Variants in CHD1 observed in about 807,000 individuals in gnomAD.
CHD1 encodes the protein ATP-dependent chromatin remodeler CHD1.
CHD1 carries 36 observed loss-of-function variants against 224.2 expected under a neutral mutation model. The ratio of observed to expected loss-of-function variants is 0.16; its 90% CI spans 0.12 to 0.21. CHD1 has a LOEUF of 0.21. Among genes scored for constraint, CHD1 ranks in the 10% least tolerant of loss-of-function variants. The probability of loss-of-function intolerance (pLI) is 1.00; values close to 1 mark genes in which losing one functional copy is unlikely to be tolerated. For synonymous variants in CHD1, 668 were observed against 658.3 expected (o/e 1.01, Z -0.23); for missense variants, 1,378 against 1,994.8 (o/e 0.69, Z 5.89).
Position 98,858,211 on chromosome 5 carries a change from G to A in CHD1, c.4756C>T (p.Arg1586Cys), listed in dbSNP as rs1263327520. The A allele has an allele frequency of 6.2e-7, 1 of 1,613,042 alleles. No individual in the cohort carries two copies. Among genetic ancestry groups the A allele is most frequent in the Non-Finnish European group, 8.5e-7 (1 of 1,179,252 alleles). Residue 1586 changes from arginine (R) to cysteine (C), a missense_variant, in exon 35 of 36, where the codon CGT becomes TGT. By Grantham distance (180) the Arg-to-Cys change is radical. Coordinates refer to ENST00000614616, the MANE Select transcript of CHD1 (RefSeq NM_001270.4). The part of the protein sequence containing the change: ...YSSFSNGKDH[R>C]DWDHYKQDSR... ...TCTTGCTTGTAGTGATCCCAATCACGATGGTCTTTACCATTACTAAAAGAA... is the reference window on the plus strand; with the variant it reads ...TCTTGCTTGTAGTGATCCCAATCACAATGGTCTTTACCATTACTAAAAGAA...
intron 28 of CHD1, among the ~76,000 whole-genome samples, chr5:98,871,797 C>T (rs536075979): frequency 6.6e-6 from 1 of 152,030 alleles, no homozygotes; most frequent in Non-Finnish European, 1.5e-5. Context: ...TGGAATAAGA[C>T]TTTTAACCTC....
At chr5:98,893,362 T>G (rs966247594) in intron 14 of CHD1, 54 bp downstream of exon 14, 1 of 1,221,412 alleles carries the variant, frequency 8.2e-7, no homozygotes, top group African/African-American at 1.6e-5. Context: ...CTGGGTTTAT[T>G]CCCACTAAAC....
chr5:98,856,970 A>G (rs1227599365), intron 35 of CHD1, among the ~76,000 whole-genome samples: 1 of 152,160 alleles, frequency 6.6e-6, no homozygotes, highest in Non-Finnish European at 1.5e-5. Flanking sequence ...CTAATTTCAC[A>G]TGGCTATTTT....
intron 28 of CHD1, among the ~76,000 whole-genome samples, chr5:98,871,609 A>T (rs953528638): frequency 2.6e-5 from 4 of 152,058 alleles, no homozygotes; most frequent in Admixed American, 2.0e-4. Flanking sequence ...TAATCTATAC[A>T]TTATAAAATA....
chr5:98,883,175 G>A lies in CHD1; in HGVS notation c.2631C>T (p.Asp877=), dbSNP rs746142848. ...AATCGGAATCAAATATAACAACAGT[G>A]TCAGCAGAGGCTAAATTAATCCCTA... ...GGLGINLASA[D]TVVIFDSDWN... is the part of the protein sequence containing the mutation. Residue 877 remains aspartate, a synonymous_variant, in exon 19 of 36, where the codon GAC becomes GAT. Coordinates refer to ENST00000614616, the MANE Select transcript of CHD1 (RefSeq NM_001270.4). 4 of 1,609,786 alleles carry A rather than the reference G, an allele frequency of 2.5e-6. No individual in the cohort carries two copies. The Admixed American group carries it at 5.1e-5, about 20-fold the overall frequency.
chr5:98,901,575 T>C (rs958218129), intron 5 of CHD1, among the ~76,000 whole-genome samples: 2 of 152,162 alleles, frequency 1.3e-5, no homozygotes, highest in African/African-American at 4.8e-5. Flanking sequence ...AGCAAATAAA[T>C]GATATTTTAA....
intron 1 of CHD1, among the ~76,000 whole-genome samples, chr5:98,926,793 G>A (rs1346471777): frequency 6.6e-6 from 1 of 151,950 alleles, no homozygotes; most frequent in East Asian, 1.9e-4. Context: ...AGGATTTTTA[G>A]AGACTAACTG....
In CHD1 at chr5:98,863,595, TGA is replaced by T. The variant is rs1398671915; in HGVS notation, c.4249-11_4249-10del. ...CTCATTCTTTCTTTACACTTTAAAA[TGA>T]GAAAACAAGAATATAAACACATGTA... On this transcript the variant is annotated splice_polypyrimidine_tract_variant and intron_variant, in intron 31 of 35. Coordinates refer to ENST00000614616, the MANE Select transcript of CHD1 (RefSeq NM_001270.4). The T allele has an allele frequency of 6.3e-7, 1 of 1,586,894 alleles. No homozygotes were observed. The highest frequency in any genetic ancestry group is 8.5e-7 in the Non-Finnish European group (1 of 1,170,984).
Position 98,901,245 on chromosome 5 carries a change from A to T in CHD1, c.528T>A (p.Asp176Glu). The change falls in exon 6 of 36, where the codon GAT becomes GAA. Residue 176 changes from aspartate (D) to glutamate (E), a missense_variant. Around this residue, in one of 16 missense-constraint regions of CHD1, gnomAD observed 306 missense variants for 298.1 expected, o/e 1.03. Coordinates refer to ENST00000614616, the MANE Select transcript of CHD1 (RefSeq NM_001270.4). The part of the protein sequence containing the change: ...SEEEREKSSC[D>E]ETESDYEPKN... ...TTGGCTCATAATCAGATTCTGTTTC[A>T]TCACAACTGCTTTTCTCTCTCTCTT... is the stretch of plus-strand genomic sequence containing the variant. The T allele has an allele frequency of 6.2e-7, 1 of 1,613,966 alleles. No individual in the cohort carries two copies. Among genetic ancestry groups the T allele is most frequent in the Non-Finnish European group, 8.5e-7 (1 of 1,179,950 alleles).
intron 17 of CHD1, 69 bp downstream of exon 17, chr5:98,888,019 A>C: frequency 2.0e-6 from 2 of 1,020,822 alleles, no homozygotes; most frequent in South Asian, 4.1e-5. Context: ...AAATAATTTC[A>C]GTTAATTCTG....
chr5:98,888,246 G>A lies in CHD1; in HGVS notation c.2344-6C>T. Reference sequence around the variant, plus strand: ...CCGCTACTACGAATTAAGTGCTACAGAAACAATTCAAGTTGTTATATGTTA... The same window carrying A: ...CCGCTACTACGAATTAAGTGCTACAAAAACAATTCAAGTTGTTATATGTTA... On this transcript the variant is annotated splice_polypyrimidine_tract_variant and splice_region_variant and intron_variant, in intron 16 of 35. Coordinates refer to ENST00000614616, the MANE Select transcript of CHD1 (RefSeq NM_001270.4). The A allele has an allele frequency of 6.3e-7, 1 of 1,598,966 alleles. No individual in the cohort carries two copies. The highest frequency in any genetic ancestry group is 1.1e-5 in the South Asian group (1 of 88,026).
rs560265172 is a variant in CHD1, at chr5:98,916,372, C to G, written c.53+9962G>C. 9.3e-5 allele frequency among the ~76,000 whole-genome samples: 14 copies of G among 151,336 alleles called. No individual in the cohort carries two copies. The East Asian group carries it at 2.5e-3, about 27-fold the overall frequency. ...ACCAGCCTGACCACCATGGAGAAAT[C>G]CTGTTTCTACTAAAAATACAAAATT... is the stretch of plus-strand genomic sequence containing the variant. On this transcript the variant is annotated intron_variant, in intron 2 of 35. Transcript: ENST00000614616.
rs767892325 is a variant in CHD1, at chr5:98,899,498, T to A, written c.1067A>T (p.Asp356Val). Residue 356 changes from aspartate to valine, a missense_variant, in exon 8 of 36, where the codon GAT becomes GTT. Physicochemically the swap from Asp to Val is radical, Grantham distance 152. Around this residue, in one of 16 missense-constraint regions of CHD1, gnomAD observed 15 missense variants for 16.2 expected, o/e 0.93. Transcript: ENST00000614616. ...TACTTACCATCTTTTTGTTTCCTGA[T>A]CTTTTTTCTTATAATTATCCAATTT... ...MKKLDNYKKK[D>V]QETKRWLKNA... 2 of 1,605,116 alleles carry A rather than the reference T, an allele frequency of 1.2e-6. No individual in the cohort carries two copies. The highest frequency in any genetic ancestry group is 2.7e-5 in the African/African-American group (2 of 74,718).
In CHD1 at chr5:98,898,423, G is replaced by C; in HGVS notation, c.1198C>G (p.Gln400Glu). The C allele has an allele frequency of 1.9e-6, 3 of 1,572,830 alleles. No individual in the cohort carries two copies. The highest frequency in any genetic ancestry group is 2.6e-6 in the Non-Finnish European group (3 of 1,166,064). ...IVERIIAHSN[Q>E]KSAAGYPDYY... is the part of the protein sequence containing the mutation. ...TCAGGATAACCAGCTGCTGACTTTTGATTGGAATGAGCTGTGAGAGAATCA... is the reference window on the plus strand; with the variant it reads ...TCAGGATAACCAGCTGCTGACTTTTCATTGGAATGAGCTGTGAGAGAATCA... Residue 400 changes from glutamine (Q) to glutamate (E), a missense_variant, in exon 10 of 36, where the codon CAA (glutamine) becomes GAA (glutamate). By Grantham distance (29) the Gln-to-Glu change is conservative (BLOSUM62 2). Around this residue, in one of 16 missense-constraint regions of CHD1, gnomAD observed 86 missense variants for 97.7 expected, o/e 0.88. Coordinates refer to ENST00000614616, the MANE Select transcript of CHD1 (RefSeq NM_001270.4).
intron 15 of CHD1, 94 bp downstream of exon 15, chr5:98,892,431 T>G (rs1235430346): frequency 7.3e-6 from 6 of 818,500 alleles, no homozygotes; most frequent in Non-Finnish European, 1.1e-5. Flanking sequence ...TCTAAGACAC[T>G]ATTGTAGAGA....
At chr5:98,906,499 T>C (rs326464) in intron 2 of CHD1, among the ~76,000 whole-genome samples, 50,527 of 152,116 alleles carry the variant, frequency 0.33, 10,054 homozygotes, top group African/African-American at 0.55. Context: ...ATTTCATTTA[T>C]TCAATAAACT....
chr5:98,869,428 A>T (rs192625133), intron 30 of CHD1: 3 of 277,194 alleles, frequency 1.1e-5, no homozygotes, highest in Non-Finnish European at 1.8e-5. Flanking sequence ...CCTTCCTATA[A>T]ACTAAAGTAA....
In CHD1 at chr5:98,855,821, G is replaced by A. The variant is rs1354674949; in HGVS notation, c.*559C>T. ...AAAAAGGCATAATAGATCACAAACA[G>A]GAAATTCCTGGCTATTTTACAGATA... is the stretch of plus-strand genomic sequence containing the variant. On this transcript the variant is annotated 3_prime_UTR_variant, in exon 36 of 36. Transcript: ENST00000614616. 2.6e-5 allele frequency: 4 copies of A among 151,348 alleles called. No homozygotes were observed. The highest frequency in any genetic ancestry group is 4.4e-5 in the Non-Finnish European group (3 of 67,834). The allele number at this position is 151,348 out of a possible 1,614,324, so 9.4% of individuals were successfully genotyped here.
chr5:98,921,122 T>C (rs947110857), intron 2 of CHD1, among the ~76,000 whole-genome samples: 1 of 152,234 alleles, frequency 6.6e-6, no homozygotes, highest in African/African-American at 2.4e-5. Context: ...CATAACAATG[T>C]ATACATCACA....
Sources: gnomAD v4.1 joint callset for allele counts (sites outside exome capture counted in the v4.1 genomes callset) on GRCh38, gnomAD v4.1.1 for gene constraint, gnomAD v4.1.1 regional missense constraint, MANE v1.5 for transcripts, NCBI Gene and HGNC (gene_info 2026-07-23, HGNC 2026-07-21) for gene names.